The following CSAD variants were observed in gnomAD, a reference collection of about 807,000 sequenced individuals.
CSAD encodes the protein cysteine sulfinic acid decarboxylase.
A neutral mutation model predicts 61.5 loss-of-function variants in CSAD; 47 were observed. The observed-to-expected ratio is 0.76, with a 90% CI of 0.60 to 0.97. The LOEUF (loss-of-function observed/expected upper bound fraction) is 0.97. CSAD is among the 50% of genes least tolerant of loss of function. The probability of loss-of-function intolerance (pLI) is 0.00; values close to 1 mark genes in which losing one functional copy is unlikely to be tolerated. For missense variants in CSAD, 611 were observed against 643.6 expected, an observed-to-expected ratio of 0.95 and a Z score of 0.55; for synonymous variants, 245 against 252.7, an observed-to-expected ratio of 0.97 and a Z score of 0.29.
At chr12:53,179,375 A>G (rs979097524) in intron 1 of CSAD, among the ~76,000 whole-genome samples, 1 of 152,220 alleles carries the variant, frequency 6.6e-6, no homozygotes, top group African/African-American at 2.4e-5. Context: ...ATGAACACAG[A>G]AAAAAGCCTA....
intron 10 of CSAD, among the ~76,000 whole-genome samples, chr12:53,162,625 T>C (rs1333581414): frequency 1.3e-5 from 2 of 151,316 alleles, no homozygotes; most frequent in Admixed American, 1.3e-4. Flanking sequence ...GAATTAGTAA[T>C]TTTTAAAACT....
At position 53,161,403 on chromosome 12, in the gene CSAD, G is replaced by A; in HGVS notation, c.703-14C>T. 6.3e-7 allele frequency: 1 copy of A among 1,599,082 alleles called. No individual in the cohort carries two copies. Among genetic ancestry groups the A allele is most frequent in the Non-Finnish European group, 8.6e-7 (1 of 1,167,162 alleles). On this transcript the variant is annotated splice_polypyrimidine_tract_variant and intron_variant, in intron 10 of 16. Coordinates refer to ENST00000444623, the MANE Select transcript of CSAD (RefSeq NM_001244705.2). Reference sequence around the variant, plus strand: ...CGGCACAGCACCCTGTTGCCAAAATGTAGAGGGAGAAAGATGTAAAGTCAT... The same window carrying A: ...CGGCACAGCACCCTGTTGCCAAAATATAGAGGGAGAAAGATGTAAAGTCAT...
rs553868833 is a variant in CSAD at position 53,180,765 on chromosome 12, G to T, written c.-124C>A. ...CGGTGGGGGCAGCCGCGGCGGTGGG[G>T]TTGGCAGGGTGTGCTGGGGCCTGGA... On this transcript the variant is annotated 5_prime_UTR_variant, in exon 1 of 17. Transcript: ENST00000444623. 7.9e-7 allele frequency: 1 copy of T among 1,272,566 alleles called. No homozygotes were observed. The highest frequency in any genetic ancestry group is 1.3e-5 in the South Asian group (1 of 79,178). 78.8% of individuals were successfully genotyped at this position (1,272,566 alleles called of 1,614,324 possible).
At position 53,161,174 on chromosome 12, in the gene CSAD, G is replaced by A. The variant is rs755668985; in HGVS notation, c.837C>T (p.Ser279=). The change falls in exon 12 of 17, where the codon AGC becomes AGT. Residue 279 remains serine, a synonymous_variant. Transcript: ENST00000444623. The part of the protein sequence containing the change: ...WLHVDAAWGG[S]VLLSQTHRHL... ...GCCTGTGTGTCTGTGACAGCAGGAC[G>A]CTCCCACCCCAGGCAGCCTGTGGAG... 4.1e-5 allele frequency: 66 copies of A among 1,614,000 alleles called. No homozygotes were observed. In the Admixed American group the frequency reaches 8.8e-4, roughly 22 times the overall value.
In CSAD at chr12:53,180,847, A is replaced by C. The variant is rs59218377; in HGVS notation, c.-206T>G. The C allele has an allele frequency of 0.12, 147,465 of 1,266,612 alleles. 15,266 individuals carry two copies. Among genetic ancestry groups the C allele is most frequent in the African/African-American group, 0.51 (31,861 of 62,590 alleles). 78.5% of individuals were successfully genotyped at this position (1,266,612 alleles called of 1,614,324 possible). On this transcript the variant is annotated 5_prime_UTR_variant, in exon 1 of 17. Transcript: ENST00000444623. ...AGGCCGCGCCTGGCAGGTAGGAGCA[A>C]GCCCCAAAGACCGCAGCGTCGTCCG...
chr12:53,167,803 G>C (rs916636852), intron 10 of CSAD, among the ~76,000 whole-genome samples: 1 of 152,204 alleles, frequency 6.6e-6, no homozygotes, highest in Non-Finnish European at 1.5e-5. Context: ...AGCCACTCTG[G>C]AAGACAGTCT....
chr12:53,172,256 G>T, intron 6 of CSAD, 90 bp downstream of exon 6: 1 of 1,183,354 alleles, frequency 8.5e-7, no homozygotes, highest in Middle Eastern at 1.9e-4. Context: ...TAGAGAGAGG[G>T]CAGAACCATT....
chr12:53,162,630 A>T (rs1738960093), intron 10 of CSAD, among the ~76,000 whole-genome samples: 2 of 152,130 alleles, frequency 1.3e-5, no homozygotes, highest in African/African-American at 4.8e-5. Context: ...AGTAATTTTT[A>T]AAACTACTAC....
chr12:53,179,737 A>T, intron 1 of CSAD: 1 of 1,510,652 alleles, frequency 6.6e-7, no homozygotes, highest in Non-Finnish European at 9.1e-7. Context: ...TTTTGGTATC[A>T]CCATTACTTC....
intron 8 of CSAD, 132 bp downstream of exon 8, chr12:53,171,194 A>C (rs1311812531): frequency 7.3e-7 from 1 of 1,377,884 alleles, no homozygotes; most frequent in Non-Finnish European, 1.0e-6. Context: ...ATTGGAAGGA[A>C]GCACATCCGC....
intron 2 of CSAD, 84 bp from the exon 3 acceptor site, chr12:53,173,854 G>A: frequency 2.9e-6 from 4 of 1,380,992 alleles, no homozygotes; most frequent in Non-Finnish European, 3.0e-6. Flanking sequence ...TCACAAAGTT[G>A]TTGCAACCAT....
intron 9 of CSAD, 75 bp from the exon 10 acceptor site, chr12:53,170,201 G>GC: frequency 7.3e-7 from 1 of 1,372,060 alleles, no homozygotes; most frequent in Non-Finnish European, 1.0e-6. Context: ...GGTTAGCAAT[G>GC]CAGAGACAAC....
chr12:53,165,908 A>G (rs1156895969), intron 10 of CSAD, among the ~76,000 whole-genome samples: 1 of 152,228 alleles, frequency 6.6e-6, no homozygotes, highest in Non-Finnish European at 1.5e-5. Context: ...AAACAGATAA[A>G]TGGATAAGCA....
intron 10 of CSAD, among the ~76,000 whole-genome samples, chr12:53,167,982 C>T (rs931427371): frequency 1.3e-5 from 2 of 152,174 alleles, no homozygotes; most frequent in African/African-American, 4.8e-5. Flanking sequence ...ACCCAAATGT[C>T]CATCAACTGA....
Position 53,172,630 on chromosome 12 carries a change from G to A in CSAD, c.145C>T (p.Pro49Ser), listed in dbSNP as rs1940719382. ...TCCAGCAGCTGCTTCAGCTCCTCAG[G>A]CTCCTTCCACTCACAGACCTAGGAA... The part of the protein sequence containing the change: ...VSQKVCEWKE[P>S]EELKQLLDLE... Residue 49 changes from proline to serine, a missense_variant, in exon 5 of 17, where the codon CCT (proline) becomes TCT (serine). Coordinates refer to ENST00000444623, the MANE Select transcript of CSAD (RefSeq NM_001244705.2). 3.1e-6 allele frequency: 5 copies of A among 1,607,628 alleles called. No homozygotes were observed. Among genetic ancestry groups the A allele is most frequent in the Non-Finnish European group, 3.4e-6 (4 of 1,177,888 alleles).
chr12:53,159,859 G>C (rs767337324), intron 15 of CSAD, 28 bp downstream of exon 15: 69 of 1,576,480 alleles, frequency 4.4e-5, no homozygotes, highest in Middle Eastern at 1.7e-4. Context: ...GGCTGGGGCA[G>C]GGGCCACAAA....
Position 53,161,166 on chromosome 12 carries a change from A to G in CSAD, c.845T>C (p.Leu282Pro). Residue 282 changes from leucine (L) to proline (P), a missense_variant, in exon 12 of 17, where the codon CTG (leucine) becomes CCG (proline). Coordinates refer to ENST00000444623, the MANE Select transcript of CSAD (RefSeq NM_001244705.2). ...VDAAWGGSVL[L>P]SQTHRHLLDG... ...CAGGAGATGCCTGTGTGTCTGTGAC[A>G]GCAGGACGCTCCCACCCCAGGCAGC... The G allele has an allele frequency of 6.2e-7, 1 of 1,614,176 alleles. No individual in the cohort carries two copies. The highest frequency in any genetic ancestry group is 8.5e-7 in the Non-Finnish European group (1 of 1,180,030).
intron 8 of CSAD, chr12:53,170,951 G>A: frequency 2.4e-6 from 1 of 408,738 alleles, no homozygotes; most frequent in South Asian, 2.0e-5. Flanking sequence ...AAACTCCTGA[G>A]CTCAGGCAAT....
intron 8 of CSAD, chr12:53,171,074 A>G (rs535237883): frequency 1.5e-5 from 10 of 649,262 alleles, no homozygotes; most frequent in Non-Finnish European, 2.0e-5. Flanking sequence ...TGGTCCACAG[A>G]CCACACTCTT....
Sources: gnomAD v4.1 joint callset for allele counts (sites outside exome capture counted in the v4.1 genomes callset) on GRCh38, gnomAD v4.1.1 for gene constraint, MANE v1.5 for transcripts, NCBI Gene and HGNC (gene_info 2026-07-23, HGNC 2026-07-21) for gene names.